VNN2: variants seen among roughly 807,000 people sequenced by gnomAD.
The protein encoded by VNN2 is vanin 2.
VNN2 carries 43 observed loss-of-function variants against 43.0 expected under a neutral mutation model. The observed-to-expected ratio is 1.00, with a 90% CI of 0.78 to 1.29. VNN2 has a LOEUF of 1.29. Ranked by LOEUF, VNN2 falls within the 50% of genes most tolerant of loss-of-function variation. The pLI is 0.00. For missense variants in VNN2, 652 were observed against 619.7 expected (o/e 1.05, Z -0.55); for synonymous variants, 230 against 224.3 (o/e 1.03, Z -0.23).
At position 132,744,452 on chromosome 6, in the gene VNN2, A is replaced by T. The variant is rs1779603423; in HGVS notation, c.1411T>A (p.Ser471Thr). ...AGTGACACTGTTAGTATAGGCCCAGATGATCCATTCTTGTTTACCAAACGC... is the reference window on the plus strand; with the variant it reads ...AGTGACACTGTTAGTATAGGCCCAGTTGATCCATTCTTGTTTACCAAACGC... ...DGRLVNKNGS[S>T]GPILTVSLFG... Residue 471 changes from serine (S) to threonine (T), a missense_variant, in exon 7 of 7, where the codon TCT (serine) becomes ACT (threonine). Ser to Thr is a moderately conservative substitution (Grantham distance 58). Coordinates refer to ENST00000326499, the MANE Select transcript of VNN2 (RefSeq NM_004665.6). The T allele has an allele frequency of 6.2e-7, 1 of 1,602,998 alleles. No individual in the cohort carries two copies. Among genetic ancestry groups the T allele is most frequent in the Non-Finnish European group, 8.5e-7 (1 of 1,176,074 alleles).
rs751218220 is a variant in VNN2 at position 132,751,486 on chromosome 6, C to A, written c.859G>T (p.Val287Leu). 2 of 1,612,712 alleles carry A rather than the reference C, an allele frequency of 1.2e-6. No homozygotes were observed. The highest frequency in any genetic ancestry group is 2.7e-5 in the African/African-American group (2 of 74,900). The change falls in exon 5 of 7, where the codon GTG (valine) becomes TTG (leucine). Residue 287 changes from valine (V) to leucine (L), a missense_variant. By Grantham distance (32) the Val-to-Leu change is conservative. Transcript: ENST00000326499. ...SGIYAPNGPK[V>L]YHYDMKTELG... ...TCTGTCTTCATGTCATAATGATACA[C>A]TTTGGGACCATTTGGTGCATAAATA...
chr6:132,745,443 T>C (rs34045817), intron 6 of VNN2, among the ~76,000 whole-genome samples: 1 of 152,162 alleles, frequency 6.6e-6, no homozygotes, highest in Non-Finnish European at 1.5e-5. Flanking sequence ...CTCGAACTCC[T>C]GGCCTCAAAT....
At chr6:132,745,087 G>A (rs1779639851) in intron 6 of VNN2, among the ~76,000 whole-genome samples, 1 of 152,192 alleles carries the variant, frequency 6.6e-6, no homozygotes, top group Non-Finnish European at 1.5e-5. Context: ...ACAGATCAAG[G>A]CAATGTGAGT....
intron 4 of VNN2, 135 bp downstream of exon 4, chr6:132,752,326 T>A: frequency 9.6e-7 from 1 of 1,043,642 alleles, no homozygotes; most frequent in Non-Finnish European, 1.3e-6. Flanking sequence ...TGCTAGCTTT[T>A]TTTTTCTATT....
chr6:132,757,919 C>T (rs779378157), upstream of VNN2: 14 of 1,578,898 alleles, frequency 8.9e-6, no homozygotes, highest in South Asian at 1.3e-4. Flanking sequence ...GCAAAAATAA[C>T]ATTCATGTAG....
At chr6:132,749,074 A>G (rs910042017) in intron 6 of VNN2, among the ~76,000 whole-genome samples, 1 of 152,338 alleles carries the variant, frequency 6.6e-6, no homozygotes, top group African/African-American at 2.4e-5. Context: ...TGTTCTTCCA[A>G]TGAAGTATCA....
Position 132,752,657 on chromosome 6 carries a change from C to T in VNN2, c.630G>A (p.Thr210=), listed in dbSNP as rs746096192. The T allele has an allele frequency of 5.6e-6, 9 of 1,614,008 alleles. No individual in the cohort carries two copies. In the Admixed American group the frequency reaches 8.3e-5, roughly 15 times the overall value. Residue 210 remains threonine, a synonymous_variant, in exon 4 of 7, where the codon ACG becomes ACA. Transcript: ENST00000326499. The stretch of plus-strand genomic sequence containing the variant: ...GATCATAGAAGAATATATCAAAGCA[C>T]GTGAAAATGCCAAACCTTCCAAATG... ...NTAFGRFGIF[T]CFDIFFYDPG...
At chr6:132,762,614 T>G (rs1305736185), upstream of VNN2, among the ~76,000 whole-genome samples, 1 of 152,172 alleles carries the variant, frequency 6.6e-6, no homozygotes, top group African/African-American at 2.4e-5. Context: ...TTAACCATCT[T>G]TTGGGGCCAG....
intron 5 of VNN2, 119 bp from the exon 6 acceptor site, chr6:132,749,984 T>A: frequency 1.0e-6 from 1 of 980,350 alleles, no homozygotes; most frequent in Non-Finnish European, 1.4e-6. Context: ...GAAAAGGGAT[T>A]TGGATCATGT....
intron 3 of VNN2, among the ~76,000 whole-genome samples, chr6:132,755,563 C>T (rs1017276841): frequency 1.5e-4 from 23 of 151,734 alleles, no homozygotes; most frequent in Admixed American, 5.3e-4. Context: ...TTAGTAGAGA[C>T]GGGGTTTCAC....
upstream of VNN2, among the ~76,000 whole-genome samples, chr6:132,762,370 C>T (rs1232701467): frequency 2.0e-5 from 3 of 152,086 alleles, no homozygotes; most frequent in Non-Finnish European, 4.4e-5. Flanking sequence ...AAGGGTGACA[C>T]GTCAAAATAA....
At chr6:132,763,441 G>A (rs948740271) in exon 1 of VNN2, 1 of 152,008 alleles carries the variant, frequency 6.6e-6, no homozygotes, top group Non-Finnish European at 1.5e-5. Flanking sequence ...TCCTTTCCAA[G>A]GCCTGTGCTC....
At position 132,755,968 on chromosome 6, in the gene VNN2, C is replaced by T. The variant is rs750028257; in HGVS notation, c.412G>A (p.Ala138Thr). ...CATGGCTTTTTGTCCCCCAAATTTG[C>T]CAAGACATAGATAGAGTTGTCCTTG... ...LAKDNSIYVL[A>T]NLGDKKPCNS... Residue 138 changes from alanine (A) to threonine (T), a missense_variant, in exon 3 of 7, where the codon GCA becomes ACA. Physicochemically the swap from Ala to Thr is moderately conservative, Grantham distance 58. Coordinates refer to ENST00000326499, the MANE Select transcript of VNN2 (RefSeq NM_004665.6). The T allele has an allele frequency of 2.5e-6, 4 of 1,614,104 alleles. No homozygotes were observed. In the Admixed American group the frequency reaches 5.0e-5, roughly 20 times the overall value.
At position 132,757,452 on chromosome 6, in the gene VNN2, G is replaced by A. The variant is rs757830047; in HGVS notation, c.308C>T (p.Pro103Leu). 6.2e-7 allele frequency: 1 copy of A among 1,613,514 alleles called. No individual in the cohort carries two copies. Among genetic ancestry groups the A allele is most frequent in the Non-Finnish European group, 8.5e-7 (1 of 1,179,866 alleles). The change falls in exon 2 of 7, where the codon CCT becomes CTT. Residue 103 changes from proline to leucine, a missense_variant. Coordinates refer to ENST00000326499, the MANE Select transcript of VNN2 (RefSeq NM_004665.6). Reference sequence around the variant, plus strand: ...TTGACACGGAATCCAGTTCACCTGAGGGTCTGGGATATCCTCCAGATAAGG... The same window carrying A: ...TTGACACGGAATCCAGTTCACCTGAAGGTCTGGGATATCCTCCAGATAAGG... The part of the protein sequence containing the change: ...VFPYLEDIPD[P>L]QVNWIPCQDP...
rs763459590 is a variant in VNN2, at chr6:132,751,160, TCTC to T, written c.1182_1184del (p.Arg396del). The T allele has an allele frequency of 6.2e-7, 1 of 1,600,092 alleles. No individual in the cohort carries two copies. Among genetic ancestry groups the T allele is most frequent in the Non-Finnish European group, 8.5e-7 (1 of 1,173,244 alleles). Reference sequence around the variant, plus strand: ...CTGAAATTACCTGCCAGTACTCTCTTCTCCTTCGGCCATGTAATCCTGTAAAAG... The same window carrying T: ...CTGAAATTACCTGCCAGTACTCTCTTCTTCGGCCATGTAATCCTGTAAAAG... On this transcript the variant is annotated inframe_deletion, in exon 5 of 7. Transcript: ENST00000326499.
chr6:132,749,070 T>A (rs528776801), intron 6 of VNN2, among the ~76,000 whole-genome samples: 1 of 152,224 alleles, frequency 6.6e-6, no homozygotes, highest in Non-Finnish European at 1.5e-5. Context: ...ATTATGTTCT[T>A]CCAATGAAGT....
At chr6:132,750,272 T>C (rs1290802009) in intron 5 of VNN2, among the ~76,000 whole-genome samples, 1 of 151,934 alleles carries the variant, frequency 6.6e-6, no homozygotes, top group African/African-American at 2.4e-5. Context: ...CAGTGGGACA[T>C]GGAGTATAAT....
upstream of VNN2, among the ~76,000 whole-genome samples, chr6:132,761,945 G>A (rs980637994): frequency 2.0e-5 from 3 of 152,164 alleles, no homozygotes; most frequent in Non-Finnish European, 4.4e-5. Context: ...CTACAACGCA[G>A]ATGACAATAA....
At chr6:132,747,835 T>A (rs1405664176) in intron 6 of VNN2, among the ~76,000 whole-genome samples, 1 of 152,190 alleles carries the variant, frequency 6.6e-6, no homozygotes, top group Non-Finnish European at 1.5e-5. Context: ...ACTATCACCA[T>A]CCACCTTCAA....
Sources: gnomAD v4.1 joint callset for allele counts (sites outside exome capture counted in the v4.1 genomes callset) on GRCh38, gnomAD v4.1.1 for gene constraint, MANE v1.5 for transcripts, NCBI Gene and HGNC (gene_info 2026-07-23, HGNC 2026-07-21) for gene names.